The following ATP8A2 variants were observed in gnomAD, a reference collection of about 807,000 sequenced individuals.
The protein encoded by ATP8A2 is ATPase phospholipid transporting 8A2.
A neutral mutation model predicts 165.6 loss-of-function variants in ATP8A2; 100 were observed. That is an observed-to-expected ratio of 0.60 (90% confidence interval 0.51 to 0.71). The LOEUF (loss-of-function observed/expected upper bound fraction) is 0.71, where lower values mean the gene tolerates loss of function less well. Among genes scored for constraint, ATP8A2 ranks in the 30% least tolerant of loss-of-function variants. The pLI is 0.00. For missense variants in ATP8A2, 1,227 were observed against 1,479.5 expected (o/e 0.83, Z 2.80); for synonymous variants, 543 against 548.8 (o/e 0.99, Z 0.15).
chr13:26,003,547 A>G (rs1035966285), intron 35 of ATP8A2, among the ~76,000 whole-genome samples: 2 of 151,872 alleles, frequency 1.3e-5, no homozygotes, highest in South Asian at 2.1e-4. Context: ...CCATTTGTCT[A>G]TTTTTGCTTT....
At chr13:25,972,520 G>A (rs912513527) in intron 35 of ATP8A2, among the ~76,000 whole-genome samples, 1 of 152,128 alleles carries the variant, frequency 6.6e-6, no homozygotes, top group African/African-American at 2.4e-5. Flanking sequence ...TGGTGTTTGT[G>A]CGCCTTATAG....
chr13:25,508,033 C>T (rs761636971), intron 2 of ATP8A2, among the ~76,000 whole-genome samples: 67 of 152,004 alleles, frequency 4.4e-4, no homozygotes, highest in Admixed American at 2.6e-4. Flanking sequence ...CAAGGAAATG[C>T]AAATTAATGT....
At chr13:25,857,272 G>A (rs111594259) in intron 30 of ATP8A2, among the ~76,000 whole-genome samples, 14 of 152,146 alleles carry the variant, frequency 9.2e-5, no homozygotes, top group Non-Finnish European at 1.5e-4. Context: ...TCTCTCCCTC[G>A]TACCATTCAG....
intron 1 of ATP8A2, among the ~76,000 whole-genome samples, chr13:25,451,196 A>T (rs2035215173): frequency 6.6e-6 from 1 of 152,056 alleles, no homozygotes; most frequent in Non-Finnish European, 1.5e-5. Flanking sequence ...AAATTCATGC[A>T]TCCTTCCCTT....
intron 2 of ATP8A2, among the ~76,000 whole-genome samples, chr13:25,514,755 C>T (rs550339455): frequency 6.6e-6 from 1 of 152,316 alleles, no homozygotes; most frequent in South Asian, 2.1e-4. Flanking sequence ...GCTTTCTATG[C>T]TTGCCACAGA....
intron 24 of ATP8A2, chr13:25,649,012 T>G (rs2041747326): frequency 2.0e-6 from 1 of 507,852 alleles, no homozygotes; most frequent in African/African-American, 1.9e-5. Flanking sequence ...TCCCTTTCAT[T>G]AGGGTCAATT....
intron 30 of ATP8A2, among the ~76,000 whole-genome samples, chr13:25,849,899 G>A (rs1455777893): frequency 1.3e-5 from 2 of 152,182 alleles, no homozygotes; most frequent in African/African-American, 4.8e-5. Flanking sequence ...CATGCCATAA[G>A]CATCATCATT....
At chr13:25,425,789 G>A (rs7991799) in intron 1 of ATP8A2, among the ~76,000 whole-genome samples, 26,438 of 152,064 alleles carry the variant, frequency 0.17, 2,892 homozygotes, top group East Asian at 0.4. Flanking sequence ...TGTTAGCCAG[G>A]ATGGTCTCGA....
chr13:25,417,469 AG>A (rs1423767591), intron 1 of ATP8A2, among the ~76,000 whole-genome samples: 1 of 82,586 alleles, frequency 1.2e-5, no homozygotes, highest in Non-Finnish European at 2.6e-5. Flanking sequence ...ACAACCTGTA[AG>A]TCTATTCATT....
At position 25,632,843 on chromosome 13, in the gene ATP8A2, C is replaced by T. The variant is rs567087807; in HGVS notation, c.2211+43144C>T. ...GCTTAGCCGGGAAGCTGCCCTCTTG[C>T]GTGGGAGAAGTTGTGCTCTGCTCAC... On this transcript the variant is annotated intron_variant, in intron 24 of 36. Coordinates refer to ENST00000381655, the MANE Select transcript of ATP8A2 (RefSeq NM_016529.6). Among the ~76,000 whole-genome samples, 60 of 152,252 alleles carry T rather than the reference C, an allele frequency of 3.9e-4. 1 individual carries two copies. Among genetic ancestry groups the T allele is most frequent in the African/African-American group, 1.3e-3 (55 of 41,548 alleles).
At chr13:25,755,718 A>G (rs2044246762) in intron 25 of ATP8A2, among the ~76,000 whole-genome samples, 2 of 152,150 alleles carry the variant, frequency 1.3e-5, no homozygotes, top group South Asian at 4.1e-4. Flanking sequence ...CAGCCTGGCC[A>G]ACATGGTGAA....
At chr13:25,443,909 G>A (rs1277220751) in intron 1 of ATP8A2, among the ~76,000 whole-genome samples, 1 of 152,172 alleles carries the variant, frequency 6.6e-6, no homozygotes, top group Non-Finnish European at 1.5e-5. Context: ...AATGATAAAT[G>A]CATTTGGCAT....
In ATP8A2 at chr13:26,021,783, C is replaced by G. The variant is rs1957085930; in HGVS notation, c.*1798C>G. ...ATGACTGTGCAGCGAAGGAGCACAC[C>G]TGTCACTCTTAGCTCTAGAGTCGGA... On this transcript the variant is annotated 3_prime_UTR_variant, in exon 37 of 37. Transcript: ENST00000381655. The G allele has an allele frequency of 6.6e-6, 1 of 152,194 alleles. No homozygotes were observed. The highest frequency in any genetic ancestry group is 1.5e-5 in the Non-Finnish European group (1 of 68,034). 9.4% of individuals were successfully genotyped at this position (152,194 alleles called of 1,614,324 possible).
At chr13:26,009,612 A>G (rs1224999421) in intron 35 of ATP8A2, among the ~76,000 whole-genome samples, 1 of 152,114 alleles carries the variant, frequency 6.6e-6, no homozygotes, top group African/African-American at 2.4e-5. Context: ...GTGGTCATTG[A>G]GCAGGGACTT....
At chr13:25,590,463 T>C (rs1050505531) in intron 24 of ATP8A2, among the ~76,000 whole-genome samples, 4 of 152,170 alleles carry the variant, frequency 2.6e-5, no homozygotes, top group African/African-American at 9.7e-5. Flanking sequence ...ATAGGATACA[T>C]GTATACTTAA....
intron 32 of ATP8A2, among the ~76,000 whole-genome samples, chr13:25,861,338 C>T (rs1422331269): frequency 1.3e-5 from 2 of 152,138 alleles, no homozygotes; most frequent in East Asian, 3.9e-4. Flanking sequence ...ATATTAGGCA[C>T]ATTTTCTGTG....
intron 33 of ATP8A2, among the ~76,000 whole-genome samples, chr13:25,914,215 C>T (rs1954202078): frequency 6.6e-6 from 1 of 152,138 alleles, no homozygotes; most frequent in African/African-American, 2.4e-5. Flanking sequence ...AGAGTTCAGC[C>T]CTTCCTGGAT....
chr13:25,630,853 G>A (rs1348312831), intron 24 of ATP8A2, among the ~76,000 whole-genome samples: 3 of 151,898 alleles, frequency 2.0e-5, no homozygotes, highest in Non-Finnish European at 4.4e-5. Flanking sequence ...AAATCCTTAG[G>A]GTCCGCTTTC....
intron 24 of ATP8A2, among the ~76,000 whole-genome samples, chr13:25,643,356 AT>A (rs747881357): frequency 6.6e-6 from 1 of 152,008 alleles, no homozygotes; most frequent in Non-Finnish European, 1.5e-5. Flanking sequence ...GTTGATGGAC[AT>A]TTGGGTTGCT....
Sources: gnomAD v4.1 joint callset for allele counts (sites outside exome capture counted in the v4.1 genomes callset) on GRCh38, gnomAD v4.1.1 for gene constraint, MANE v1.5 for transcripts, NCBI Gene and HGNC (gene_info 2026-07-23, HGNC 2026-07-21) for gene names.